The following RARRES1 variants were observed in gnomAD, a reference collection of about 807,000 sequenced individuals.
RARRES1 encodes the protein retinoic acid receptor responder protein 1.
In RARRES1, 34 loss-of-function variants were observed where a neutral mutation model predicts 30.6. The ratio of observed to expected loss-of-function variants is 1.11; its 90% confidence interval spans 0.84 to 1.48. RARRES1 has a LOEUF of 1.48. Ranked by LOEUF, RARRES1 falls within the 40% of genes most tolerant of loss-of-function variation. The pLI, the probability that RARRES1 is intolerant of heterozygous loss-of-function variation, is 0.00. For missense variants in RARRES1, 373 were observed against 386.5 expected, an observed-to-expected ratio of 0.97 and a Z score of 0.29; for synonymous variants, 153 against 155.5, an observed-to-expected ratio of 0.98 and a Z score of 0.12.
At chr3:158,698,494 T>A (rs1726623916) in intron 4 of RARRES1, among the ~76,000 whole-genome samples, 1 of 152,218 alleles carries the variant, frequency 6.6e-6, no homozygotes, top group South Asian at 2.1e-4. Flanking sequence ...CCAACCCAGA[T>A]CTACTGACTC....
At chr3:158,703,770 G>A (rs1020257716) in intron 4 of RARRES1, among the ~76,000 whole-genome samples, 2 of 152,166 alleles carry the variant, frequency 1.3e-5, no homozygotes, top group Non-Finnish European at 2.9e-5. Flanking sequence ...TAAGTCAGAA[G>A]TGTTCCATGA....
intron 1 of RARRES1, among the ~76,000 whole-genome samples, chr3:158,729,331 T>C (rs1727795668): frequency 6.6e-6 from 1 of 151,456 alleles, no homozygotes; most frequent in Non-Finnish European, 1.5e-5. Context: ...ATTTTTACTT[T>C]ATTCACTCGG....
In RARRES1 at chr3:158,697,548, G is replaced by T; in HGVS notation, c.*130C>A. 1 of 1,019,470 alleles carries T rather than the reference G, an allele frequency of 9.8e-7. No individual in the cohort carries two copies. The highest frequency in any genetic ancestry group is 1.4e-6 in the Non-Finnish European group (1 of 708,398). The allele number at this position is 1,019,470 out of a possible 1,614,324, so 63.2% of individuals were successfully genotyped here. ...AAAAAACCAACATCTTTGCATTTCT[G>T]AGTTTTTACTTGTAATCATAGGTTT... On this transcript the variant is annotated 3_prime_UTR_variant, in exon 6 of 6. Transcript: ENST00000237696.
chr3:158,714,094 C>T (rs1213388207), intron 1 of RARRES1, among the ~76,000 whole-genome samples: 2 of 152,036 alleles, frequency 1.3e-5, no homozygotes, highest in African/African-American at 4.8e-5. Context: ...GAAATGGTTG[C>T]GTTCTGACTG....
chr3:158,702,706 T>C (rs1332030845), intron 4 of RARRES1, among the ~76,000 whole-genome samples: 1 of 152,194 alleles, frequency 6.6e-6, no homozygotes, highest in Admixed American at 6.5e-5. Flanking sequence ...AAGCCTCTTG[T>C]TGAGGATGTG....
chr3:158,728,207 G>A (rs1304951260), intron 1 of RARRES1, among the ~76,000 whole-genome samples: 1 of 136,178 alleles, frequency 7.3e-6, no homozygotes, highest in Admixed American at 7.2e-5. Flanking sequence ...ATACTATTTC[G>A]TTTAAAAAAA....
chr3:158,726,419 A>AC (rs1727683837), intron 1 of RARRES1, among the ~76,000 whole-genome samples: 2 of 152,208 alleles, frequency 1.3e-5, no homozygotes, highest in Non-Finnish European at 2.9e-5. Flanking sequence ...TGTCAGACCC[A>AC]CGGTGGACTG....
At chr3:158,724,365 A>G (rs4680458) in intron 1 of RARRES1, among the ~76,000 whole-genome samples, 47,042 of 152,028 alleles carry the variant, frequency 0.31, 7,333 homozygotes, top group South Asian at 0.43. Flanking sequence ...GATTTTGCCA[A>G]TGTGATTAAG....
At chr3:158,730,487 A>G (rs112493023) in intron 1 of RARRES1, among the ~76,000 whole-genome samples, 34,979 of 149,742 alleles carry the variant, frequency 0.23, 4,926 homozygotes, top group African/African-American at 0.39. Context: ...GGGCAGTGGC[A>G]CATTCTCTGC....
intron 4 of RARRES1, among the ~76,000 whole-genome samples, chr3:158,702,484 G>A (rs1576808218): frequency 6.6e-6 from 1 of 152,204 alleles, no homozygotes; most frequent in African/African-American, 2.4e-5. Flanking sequence ...TTGTACCCTA[G>A]TATGTCCTAG....
chr3:158,698,028 A>G lies in RARRES1; in HGVS notation c.673-58T>C, dbSNP rs138511705. ...TATGGTGGTATTTAGTGTAATAACTATACAATACATTCTTGTTTTGAATGG... is the reference window on the plus strand; with the variant it reads ...TATGGTGGTATTTAGTGTAATAACTGTACAATACATTCTTGTTTTGAATGG... On this transcript the variant is annotated intron_variant, in intron 4 of 5. Transcript: ENST00000237696. 6.1e-4 allele frequency: 733 copies of G among 1,206,660 alleles called. 5 individuals carry two copies. The East Asian group carries it at 0.013, about 21-fold the overall frequency. The allele number at this position is 1,206,660 out of a possible 1,614,324, so 74.7% of individuals were successfully genotyped here. A position where few individuals can be genotyped will look rare whatever the true frequency, so the allele number is the denominator to read the frequency against.
chr3:158,698,504 C>CT (rs748372683), intron 4 of RARRES1, among the ~76,000 whole-genome samples: 25 of 152,310 alleles, frequency 1.6e-4, no homozygotes, highest in Admixed American at 2.0e-4. Flanking sequence ...TCTACTGACT[C>CT]CAACACCCAC....
chr3:158,711,588 A>G (rs1370463570), intron 2 of RARRES1, among the ~76,000 whole-genome samples: 1 of 140,828 alleles, frequency 7.1e-6, no homozygotes, highest in East Asian at 2.1e-4. Flanking sequence ...AGTGATGTTT[A>G]TTTGCATTCA....
chr3:158,731,458 C>G (rs939942392), intron 1 of RARRES1, among the ~76,000 whole-genome samples: 13 of 152,208 alleles, frequency 8.5e-5, no homozygotes, highest in African/African-American at 2.9e-4. Context: ...TTCCTACAGT[C>G]AATGCCTTGA....
chr3:158,716,545 TTTC>T (rs1237214499), intron 1 of RARRES1, among the ~76,000 whole-genome samples: 7 of 152,008 alleles, frequency 4.6e-5, no homozygotes, highest in Non-Finnish European at 1.0e-4. Context: ...AAAGAGTTAT[TTTC>T]TTTGCTGATT....
chr3:158,714,297 A>C (rs909659095), intron 1 of RARRES1, among the ~76,000 whole-genome samples: 3 of 152,200 alleles, frequency 2.0e-5, no homozygotes, highest in African/African-American at 7.2e-5. Flanking sequence ...ACAAACGCAC[A>C]ACAAGTAATA....
chr3:158,722,824 G>A (rs1242042343), intron 1 of RARRES1, among the ~76,000 whole-genome samples: 1 of 150,352 alleles, frequency 6.7e-6, no homozygotes, highest in Non-Finnish European at 1.5e-5. Flanking sequence ...GGAGCTTGCA[G>A]TGAGCCAAGA....
At chr3:158,705,123 C>T (rs1406618710) in intron 3 of RARRES1, among the ~76,000 whole-genome samples, 196 bp from the exon 4 acceptor site, 1 of 152,178 alleles carries the variant, frequency 6.6e-6, no homozygotes, top group Non-Finnish European at 1.5e-5. Context: ...ACTTGCCAAA[C>T]TGAGTAAATC....
At chr3:158,702,385 C>T (rs1726764377) in intron 4 of RARRES1, among the ~76,000 whole-genome samples, 2 of 152,128 alleles carry the variant, frequency 1.3e-5, no homozygotes, top group South Asian at 4.1e-4. Context: ...TCCTCGCTTT[C>T]GTACGTGCAG....
Sources: gnomAD v4.1 joint callset for allele counts (sites outside exome capture counted in the v4.1 genomes callset) on GRCh38, gnomAD v4.1.1 for gene constraint, MANE v1.5 for transcripts, NCBI Gene and HGNC (gene_info 2026-07-23, HGNC 2026-07-21) for gene names.